The following SUMF1 variants were observed in gnomAD, a reference collection of about 807,000 sequenced individuals.
SUMF1 encodes formylglycine-generating enzyme.
A neutral mutation model predicts 47.6 loss-of-function variants in SUMF1; 48 were observed. That is an observed-to-expected ratio of 1.01 (90% CI 0.80 to 1.28). SUMF1 has a LOEUF of 1.28. SUMF1 is among the 50% of genes most tolerant of loss of function. SUMF1 has a pLI of 0.00. For synonymous variants in SUMF1, 230 were observed against 192.1 expected (o/e 1.20, Z -1.63); for missense variants, 571 against 485.4 (o/e 1.18, Z -1.66).
chr3:4,457,044 ATATATACGTGTGTG>A (rs1559313328), intron 1 of SUMF1, among the ~76,000 whole-genome samples: 1 of 118,890 alleles, frequency 8.4e-6, no homozygotes, highest in Non-Finnish European at 2.0e-5. Flanking sequence ...GTGTGTATAT[ATATATACGTGTGTG>A]TATATATATA....
intron 7 of SUMF1, among the ~76,000 whole-genome samples, chr3:4,391,831 C>CTT (rs71053409): frequency 2.1e-5 from 3 of 141,480 alleles, no homozygotes; most frequent in African/African-American, 7.8e-5. Context: ...CTTTTCTTTT[C>CTT]TTTTTTTTTT....
chr3:4,058,458 A>G (rs778838864), intron 9 of SUMF1, among the ~76,000 whole-genome samples: 8 of 152,096 alleles, frequency 5.3e-5, no homozygotes, highest in Non-Finnish European at 1.2e-4. Context: ...CTAGATATGG[A>G]ATACCAAAGG....
chr3:4,046,302 G>A (rs761722293), intron 9 of SUMF1, among the ~76,000 whole-genome samples: 4 of 152,084 alleles, frequency 2.6e-5, no homozygotes, highest in Admixed American at 6.5e-5. Flanking sequence ...AGTGGCCAGT[G>A]GTGCACCATG....
intron 8 of SUMF1, among the ~76,000 whole-genome samples, chr3:4,295,680 G>A (rs759013009): frequency 6.6e-6 from 1 of 152,060 alleles, no homozygotes; most frequent in Non-Finnish European, 1.5e-5. Context: ...TTAATTTCTT[G>A]CTGGTGATAT....
intron 1 of SUMF1, among the ~76,000 whole-genome samples, chr3:4,464,412 T>TTGTGTGTGTG (rs10667318): frequency 6.6e-6 from 1 of 150,516 alleles, no homozygotes; most frequent in Non-Finnish European, 1.5e-5. Flanking sequence ...CTGTGTGTGT[T>TTGTGTGTGTG]TGTGTGTGTG....
intron 8 of SUMF1, among the ~76,000 whole-genome samples, chr3:4,098,038 T>A (rs1322560360): frequency 1.3e-5 from 2 of 152,084 alleles, no homozygotes; most frequent in African/African-American, 4.8e-5. Context: ...CAAAACAATG[T>A]CTCCGCTGAA....
intron 3 of SUMF1, among the ~76,000 whole-genome samples, chr3:4,442,358 C>A (rs1575227567): frequency 7.4e-6 from 1 of 135,580 alleles, no homozygotes; most frequent in African/African-American, 2.6e-5. Context: ...CGGGTTCACG[C>A]CATTCTCCTG....
At chr3:4,465,114 A>G (rs1029290067) in intron 1 of SUMF1, among the ~76,000 whole-genome samples, 7 of 152,262 alleles carry the variant, frequency 4.6e-5, no homozygotes, top group African/African-American at 1.7e-4. Context: ...AGACCAATGT[A>G]TATATGCAAA....
At chr3:4,078,949 A>G (rs142591026) in intron 8 of SUMF1, among the ~76,000 whole-genome samples, 6 of 152,194 alleles carry the variant, frequency 3.9e-5, no homozygotes, top group Admixed American at 3.9e-4. Flanking sequence ...TCGCTGCAGA[A>G]GGTGTCCATC....
chr3:4,369,047 G>C (rs1559251361), intron 8 of SUMF1, among the ~76,000 whole-genome samples: 2 of 59,108 alleles, frequency 3.4e-5, no homozygotes, highest in Admixed American at 1.5e-4. Flanking sequence ...CATGCAAAAG[G>C]TTTTTTTTTT....
intron 8 of SUMF1, among the ~76,000 whole-genome samples, chr3:4,120,496 C>T (rs762747439): frequency 6.6e-6 from 1 of 152,108 alleles, no homozygotes; most frequent in African/African-American, 2.4e-5. Context: ...CAACTCTGAC[C>T]TAAAATACCA....
rs562146339 is a variant in SUMF1, at chr3:4,451,983, CA to C, written c.444+892del. Among the ~76,000 whole-genome samples the C allele has an allele frequency of 7.2e-3, 1,099 of 151,890 alleles. 16 individuals are homozygous for C. The highest frequency in any genetic ancestry group is 0.024 in the African/African-American group (1,006 of 41,438). On this transcript the variant is annotated intron_variant, in intron 2 of 8. Coordinates refer to ENST00000272902, the MANE Select transcript of SUMF1 (RefSeq NM_182760.4). ...CAGGCGTGAGCCACCGCGCCTGGCC[CA>C]AAAAAGGTTTCTAACCACTTTATAT...
At position 4,068,830 on chromosome 3, in the gene SUMF1, C is replaced by A; in HGVS notation, c.1015-85G>T. The A allele has an allele frequency of 1.3e-5, 3 of 232,552 alleles. No homozygotes were observed. The South Asian group carries it at 1.4e-4, about 11-fold the overall frequency. 14.4% of individuals were successfully genotyped at this position (232,552 alleles called of 1,614,324 possible). A position where few individuals can be genotyped will look rare whatever the true frequency, so the allele number is the denominator to read the frequency against. ...ATTTATTTGTCATGTGACAGGCATG[C>A]TAAATTTTAGAGAACTTACAGAACT... On this transcript the variant is annotated intron_variant and NMD_transcript_variant, in intron 8 of 12. Coordinates refer to the SUMF1 transcript ENST00000448413.
At chr3:4,144,746 A>G (rs1694154455) in intron 8 of SUMF1, among the ~76,000 whole-genome samples, 1 of 152,108 alleles carries the variant, frequency 6.6e-6, no homozygotes, top group Admixed American at 6.6e-5. Flanking sequence ...TTTTCTTACC[A>G]TTAGGTTTCA....
chr3:4,152,133 T>G (rs1694350377), intron 8 of SUMF1, among the ~76,000 whole-genome samples: 1 of 151,496 alleles, frequency 6.6e-6, no homozygotes, highest in Admixed American at 6.6e-5. Context: ...AGCACTACAC[T>G]GGGGAAGGGA....
chr3:4,095,995 C>G (rs977179976), intron 8 of SUMF1, among the ~76,000 whole-genome samples: 26 of 152,088 alleles, frequency 1.7e-4, no homozygotes, highest in African/African-American at 6.3e-4. Context: ...AAAATAACTA[C>G]TAAGCACTTA....
intron 8 of SUMF1, among the ~76,000 whole-genome samples, chr3:4,089,539 C>A (rs1692740398): frequency 6.6e-6 from 1 of 152,092 alleles, no homozygotes; most frequent in South Asian, 2.1e-4. Flanking sequence ...CAATGCCTTT[C>A]TATCACAGAG....
chr3:4,434,924 A>G (rs570729135), intron 3 of SUMF1, among the ~76,000 whole-genome samples: 2 of 152,162 alleles, frequency 1.3e-5, no homozygotes, highest in East Asian at 3.9e-4. Flanking sequence ...ATTATCAAAG[A>G]CTTTATTTTT....
At chr3:4,039,581 C>T (rs1694871491) in intron 9 of SUMF1, among the ~76,000 whole-genome samples, 1 of 146,660 alleles carries the variant, frequency 6.8e-6, no homozygotes, top group Non-Finnish European at 1.5e-5. Flanking sequence ...CATAGTATTC[C>T]ATGGTGTATA....
Sources: gnomAD v4.1 joint callset for allele counts (sites outside exome capture counted in the v4.1 genomes callset) on GRCh38, gnomAD v4.1.1 for gene constraint, MANE v1.5 for transcripts, NCBI Gene and HGNC (gene_info 2026-07-23, HGNC 2026-07-21) for gene names.